Variants in SIRT1 observed in about 807,000 individuals in gnomAD.
SIRT1 encodes NAD-dependent protein deacetylase sirtuin-1.
Under a neutral mutation model 67.9 loss-of-function variants are expected in SIRT1, and 24 were observed. That is an observed-to-expected ratio of 0.35 (90% CI 0.26 to 0.50). The LOEUF is 0.50. SIRT1 is among the 20% of genes least tolerant of loss of function. SIRT1 has a pLI of 0.98. For missense variants in SIRT1, 873 were observed against 937.2 expected, an observed-to-expected ratio of 0.93 and a Z score of 0.89; for synonymous variants, 378 against 350.7, an observed-to-expected ratio of 1.08 and a Z score of -0.87.
At chr10:67,906,697 G>C in intron 4 of SIRT1, 93 bp from the exon 5 acceptor site, 1 of 1,211,610 alleles carries the variant, frequency 8.3e-7, no homozygotes, top group African/African-American at 1.5e-5. Context: ...TTAAAATTAT[G>C]TGTGTGGGAT....
At chr10:67,906,612 T>C (rs1357154720) in intron 4 of SIRT1, among the ~76,000 whole-genome samples, 178 bp from the exon 5 acceptor site, 4 of 152,240 alleles carry the variant, frequency 2.6e-5, no homozygotes, top group Non-Finnish European at 5.9e-5. Context: ...GTTTTATGCA[T>C]ATGACAGCAA....
At chr10:67,891,009 G>A (rs1431638197) in intron 3 of SIRT1, among the ~76,000 whole-genome samples, 3 of 137,964 alleles carry the variant, frequency 2.2e-5, no homozygotes, top group South Asian at 2.3e-4. Context: ...CAGACTGGGC[G>A]ACAGTGTGAG....
chr10:67,899,166 C>T (rs573926213), intron 4 of SIRT1, among the ~76,000 whole-genome samples: 26 of 151,908 alleles, frequency 1.7e-4, no homozygotes, highest in African/African-American at 6.3e-4. Flanking sequence ...GAAATAAAAT[C>T]CTCTATTAGG....
At chr10:67,895,629 T>C (rs1465611090) in intron 4 of SIRT1, among the ~76,000 whole-genome samples, 1 of 151,350 alleles carries the variant, frequency 6.6e-6, no homozygotes, top group Non-Finnish European at 1.5e-5. Context: ...ATTGGTGAAA[T>C]TTAGATACTT....
chr10:67,906,497 AG>A (rs1842822372), intron 4 of SIRT1, among the ~76,000 whole-genome samples: 2 of 152,118 alleles, frequency 1.3e-5, no homozygotes, highest in African/African-American at 4.8e-5. Flanking sequence ...AGATATCCTA[AG>A]GTTGTATTAC....
At chr10:67,899,940 C>T (rs953710584) in intron 4 of SIRT1, among the ~76,000 whole-genome samples, 8 of 151,722 alleles carry the variant, frequency 5.3e-5, no homozygotes, top group Non-Finnish European at 1.0e-4. Context: ...AAAAATTAGC[C>T]GGCCGTGGTG....
rs369942545 is a variant in SIRT1 at position 67,892,432 on chromosome 10, G to A, written c.942+878G>A. Among the ~76,000 whole-genome samples, 7 of 152,096 alleles carry A rather than the reference G, an allele frequency of 4.6e-5. No homozygotes were observed. In the East Asian group the frequency reaches 1.2e-3, roughly 25 times the overall value. On this transcript the variant is annotated intron_variant, in intron 4 of 8. Transcript: ENST00000212015. Reference sequence around the variant, plus strand: ...CAAAATAAATAATAAAATTTGCTGAGCATGGTGGTGTGCACCTGTAGACCC... The same window carrying A: ...CAAAATAAATAATAAAATTTGCTGAACATGGTGGTGTGCACCTGTAGACCC...
chr10:67,913,502 C>T (rs974911747), intron 8 of SIRT1, among the ~76,000 whole-genome samples: 3 of 152,278 alleles, frequency 2.0e-5, no homozygotes, highest in East Asian at 1.9e-4. Context: ...AACTACTATG[C>T]GGTGTTGTCT....
At chr10:67,896,314 TC>T (rs1368193924) in intron 4 of SIRT1, among the ~76,000 whole-genome samples, 1 of 152,198 alleles carries the variant, frequency 6.6e-6, no homozygotes, top group Non-Finnish European at 1.5e-5. Context: ...TTTTTGACTT[TC>T]TTTTTTCTTT....
chr10:67,889,457 T>A (rs1481917899), intron 3 of SIRT1, among the ~76,000 whole-genome samples: 1 of 152,166 alleles, frequency 6.6e-6, no homozygotes, highest in East Asian at 1.9e-4. Context: ...ATGGAGAAAT[T>A]GGGTATTTGT....
At chr10:67,895,039 G>A (rs1842631182) in intron 4 of SIRT1, among the ~76,000 whole-genome samples, 1 of 151,536 alleles carries the variant, frequency 6.6e-6, no homozygotes, top group South Asian at 2.1e-4. Flanking sequence ...TTATGGTAAT[G>A]GTTAAATCAG....
At position 67,916,340 on chromosome 10, in the gene SIRT1, ACG is replaced by A; in HGVS notation, c.1992_1993del (p.Val665LeufsTer4). ...GAGGTATATTCAGACTCTGAAGATG[ACG>A]TCTTATCCTCTAGTTCTTGTGGCAG... On this transcript the variant is annotated frameshift_variant, in exon 9 of 9. Transcript: ENST00000212015. LOFTEE classifies it high-confidence loss of function. 6.2e-7 allele frequency: 1 copy of A among 1,614,050 alleles called. No individual in the cohort carries two copies. The highest frequency in any genetic ancestry group is 8.5e-7 in the Non-Finnish European group (1 of 1,179,876).
At chr10:67,891,746 G>T (rs919363192) in intron 4 of SIRT1, among the ~76,000 whole-genome samples, 192 bp downstream of exon 4, 1 of 152,124 alleles carries the variant, frequency 6.6e-6, no homozygotes, top group Non-Finnish European at 1.5e-5. Context: ...TTCATTTTAG[G>T]AGTGAGCTTA....
At chr10:67,907,831 T>C (rs913895321) in intron 5 of SIRT1, among the ~76,000 whole-genome samples, 5 of 152,170 alleles carry the variant, frequency 3.3e-5, no homozygotes, top group African/African-American at 1.2e-4. Context: ...ATTCATTCTA[T>C]GTATAAATAT....
chr10:67,901,921 C>CT (rs1328466515), intron 4 of SIRT1, among the ~76,000 whole-genome samples: 3 of 152,236 alleles, frequency 2.0e-5, no homozygotes, highest in South Asian at 2.1e-4. Context: ...ACTTCACATA[C>CT]TTTTTTTTGG....
At chr10:67,902,696 CTACTT>C (rs762348876) in intron 4 of SIRT1, among the ~76,000 whole-genome samples, 1 of 152,180 alleles carries the variant, frequency 6.6e-6, no homozygotes, top group African/African-American at 2.4e-5. Flanking sequence ...CTCAGCAACT[CTACTT>C]AACTGCCTCC....
Position 67,884,681 on chromosome 10 carries a change from C to CAGAGGAGGCGAGGGAGG in SIRT1, c.-38_-22dup. Reference sequence around the variant, plus strand: ...GCCAGTGCCGCGCGTCGAGCGGGAGCAGAGGAGGCGAGGGAGGAGGGCCAG... The same window carrying CAGAGGAGGCGAGGGAGG: ...GCCAGTGCCGCGCGTCGAGCGGGAGCAGAGGAGGCGAGGGAGGAGAGGAGGCGAGGGAGGAGGGCCAG... On this transcript the variant is annotated 5_prime_UTR_variant, in exon 1 of 9. Coordinates refer to ENST00000212015, the MANE Select transcript of SIRT1 (RefSeq NM_012238.5). The CAGAGGAGGCGAGGGAGG allele has an allele frequency of 8.2e-7, 1 of 1,226,818 alleles. No individual in the cohort carries two copies. The highest frequency in any genetic ancestry group is 1.0e-6 in the Non-Finnish European group (1 of 984,914). The allele number at this position is 1,226,818 out of a possible 1,614,324, so 76.0% of individuals were successfully genotyped here. A position where few individuals can be genotyped will look rare whatever the true frequency, so the allele number is the denominator to read the frequency against.
intron 4 of SIRT1, chr10:67,906,240 C>G (rs1461873406): frequency 5.1e-6 from 8 of 1,575,182 alleles, no homozygotes; most frequent in Admixed American, 1.9e-5. Flanking sequence ...ATGAGCAACT[C>G]TATACTATAC....
intron 2 of SIRT1, among the ~76,000 whole-genome samples, chr10:67,888,148 T>C (rs758087411): frequency 1.3e-5 from 2 of 152,226 alleles, no homozygotes; most frequent in Non-Finnish European, 2.9e-5. Flanking sequence ...AATATGTGAA[T>C]GAAATGGGAA....
Sources: gnomAD v4.1 joint callset for allele counts (sites outside exome capture counted in the v4.1 genomes callset) on GRCh38, gnomAD v4.1.1 for gene constraint, MANE v1.5 for transcripts, NCBI Gene and HGNC (gene_info 2026-07-23, HGNC 2026-07-21) for gene names.